Variants in SPOCK3 observed in about 807,000 individuals in gnomAD.
SPOCK3 encodes the protein SPARC (osteonectin), cwcv and kazal like domains proteoglycan 3.
A neutral mutation model predicts 56.6 loss-of-function variants in SPOCK3; 30 were observed. The observed-to-expected ratio is 0.53, with a 90% CI of 0.40 to 0.72. The LOEUF (loss-of-function observed/expected upper bound fraction) is 0.72, where lower values mean the gene tolerates loss of function less well. SPOCK3 is among the 30% of genes least tolerant of loss of function. The pLI, the probability that SPOCK3 is intolerant of heterozygous loss-of-function variation, is 0.00. For synonymous variants in SPOCK3, 196 were observed against 183.3 expected, an observed-to-expected ratio of 1.07 and a Z score of -0.56; for missense variants, 527 against 530.0, an observed-to-expected ratio of 0.99 and a Z score of 0.06.
At chr4:167,181,145 C>T (rs1731419707) in intron 2 of SPOCK3, among the ~76,000 whole-genome samples, 1 of 152,114 alleles carries the variant, frequency 6.6e-6, no homozygotes, top group South Asian at 2.1e-4. Flanking sequence ...TATATCCCTA[C>T]TGACCTTAAA....
At chr4:166,921,014 T>C (rs1035134344) in intron 4 of SPOCK3, among the ~76,000 whole-genome samples, 2 of 152,156 alleles carry the variant, frequency 1.3e-5, no homozygotes, top group African/African-American at 4.8e-5. Flanking sequence ...TCATTATCAT[T>C]GCCTTTCTCC....
At chr4:167,221,714 C>G (rs549453242) in intron 2 of SPOCK3, among the ~76,000 whole-genome samples, 2 of 152,102 alleles carry the variant, frequency 1.3e-5, no homozygotes, top group South Asian at 4.1e-4. Context: ...CTCAACATTT[C>G]TAATCATTAG....
chr4:166,754,742 A>G lies in SPOCK3; in HGVS notation c.710-13T>C. 6.2e-7 allele frequency: 1 copy of G among 1,612,498 alleles called. No homozygotes were observed. Among genetic ancestry groups the G allele is most frequent in the South Asian group, 1.1e-5 (1 of 90,966 alleles). Reference sequence around the variant, plus strand: ...CTGGTATCGAATCCTAAAGGCAAAAAAAAGAAAATGATTAGTTAAATATGA... The same window carrying G: ...CTGGTATCGAATCCTAAAGGCAAAAGAAAGAAAATGATTAGTTAAATATGA... On this transcript the variant is annotated splice_polypyrimidine_tract_variant and intron_variant, in intron 7 of 10. Transcript: ENST00000357545.
chr4:167,078,050 T>C (rs1325810702), intron 2 of SPOCK3, among the ~76,000 whole-genome samples: 4 of 151,890 alleles, frequency 2.6e-5, no homozygotes, highest in East Asian at 3.9e-4. Context: ...AGCAACATAA[T>C]GTAGCTACGT....
intron 2 of SPOCK3, among the ~76,000 whole-genome samples, chr4:167,114,733 C>T (rs1386986633): frequency 6.6e-6 from 1 of 151,978 alleles, no homozygotes; most frequent in Non-Finnish European, 1.5e-5. Context: ...GAACAAGAAA[C>T]AGACCAGGTC....
chr4:166,994,242 T>G (rs570994634), intron 4 of SPOCK3, among the ~76,000 whole-genome samples: 2 of 152,148 alleles, frequency 1.3e-5, no homozygotes, highest in Non-Finnish European at 2.9e-5. Flanking sequence ...CTATCATGGA[T>G]GAAGTAGTTC....
chr4:167,179,967 G>A (rs1314367904), intron 2 of SPOCK3, among the ~76,000 whole-genome samples: 1 of 152,152 alleles, frequency 6.6e-6, no homozygotes, highest in East Asian at 1.9e-4. Context: ...GGACAGAGGA[G>A]CAAGGTTAAT....
In SPOCK3 at chr4:167,121,226, T is replaced by C. The variant is rs188614683; in HGVS notation, c.190-58689A>G. 5.2e-3 allele frequency among the ~76,000 whole-genome samples: 797 copies of C among 151,874 alleles called. 1 individual carries two copies. Among genetic ancestry groups the C allele is most frequent in the South Asian group, 0.019 (93 of 4,822 alleles). ...TCAGAGCAGTTCCAGGATATTGACATTTAGCACACAGGACTTCTCCAGGTT... is the reference window on the plus strand; with the variant it reads ...TCAGAGCAGTTCCAGGATATTGACACTTAGCACACAGGACTTCTCCAGGTT... On this transcript the variant is annotated intron_variant, in intron 2 of 10. Coordinates refer to ENST00000357545, the MANE Select transcript of SPOCK3 (RefSeq NM_001040159.2).
At chr4:167,149,857 A>C (rs1162586108) in intron 2 of SPOCK3, among the ~76,000 whole-genome samples, 1 of 150,954 alleles carries the variant, frequency 6.6e-6, no homozygotes, top group Non-Finnish European at 1.5e-5. Flanking sequence ...ATATATATAT[A>C]CACACACATA....
At chr4:167,086,753 A>G (rs1758236531) in intron 2 of SPOCK3, among the ~76,000 whole-genome samples, 2 of 152,118 alleles carry the variant, frequency 1.3e-5, no homozygotes, top group South Asian at 4.1e-4. Context: ...TACTTTACTC[A>G]ACAGAGCCAA....
chr4:167,023,892 G>C (rs1045227897), intron 3 of SPOCK3, among the ~76,000 whole-genome samples: 10 of 152,020 alleles, frequency 6.6e-5, no homozygotes, highest in African/African-American at 2.4e-4. Context: ...CTGTAAGTCT[G>C]ACCTCTTTAA....
At chr4:167,069,969 AT>A (rs1756519637) in intron 2 of SPOCK3, among the ~76,000 whole-genome samples, 1 of 151,826 alleles carries the variant, frequency 6.6e-6, no homozygotes, top group Non-Finnish European at 1.5e-5. Context: ...CTCATCAGTT[AT>A]TCTGAATCCA....
intron 2 of SPOCK3, among the ~76,000 whole-genome samples, chr4:167,225,742 G>A (rs1406599602): frequency 6.6e-6 from 1 of 151,680 alleles, no homozygotes; most frequent in Non-Finnish European, 1.5e-5. Flanking sequence ...AGAAGTTCAG[G>A]CATTCTAATT....
chr4:166,873,049 A>G (rs975260032), intron 6 of SPOCK3, among the ~76,000 whole-genome samples: 1 of 152,146 alleles, frequency 6.6e-6, no homozygotes, highest in Non-Finnish European at 1.5e-5. Flanking sequence ...GGAGGGCATT[A>G]GTCTCCATGA....
At chr4:166,777,795 A>T (rs576239507) in intron 7 of SPOCK3, among the ~76,000 whole-genome samples, 1 of 152,172 alleles carries the variant, frequency 6.6e-6, no homozygotes, top group Non-Finnish European at 1.5e-5. Flanking sequence ...CCTGGGGTTA[A>T]ATCCTAGCTC....
At chr4:167,015,621 C>A (rs994970641) in intron 3 of SPOCK3, among the ~76,000 whole-genome samples, 1 of 152,098 alleles carries the variant, frequency 6.6e-6, no homozygotes. Flanking sequence ...TTCAGTTTGT[C>A]ATTTCCAATT....
chr4:166,754,814 T>C, intron 7 of SPOCK3, 85 bp from the exon 8 acceptor site: 17 of 1,236,748 alleles, frequency 1.4e-5, no homozygotes, highest in Non-Finnish European at 2.0e-5. Context: ...AGCAGGTAGC[T>C]AGTGTAGGAC....
At position 167,160,088 on chromosome 4, in the gene SPOCK3, A is replaced by T; in HGVS notation, c.189+73897T>A. 1.3e-5 allele frequency among the ~76,000 whole-genome samples: 2 copies of T among 152,136 alleles called. 1 individual carries two copies. Among genetic ancestry groups the T allele is most frequent in the Admixed American group, 1.3e-4 (2 of 15,262 alleles). On this transcript the variant is annotated intron_variant, in intron 2 of 10. Transcript: ENST00000357545. The stretch of plus-strand genomic sequence containing the variant: ...ATAAAGGGTATTCAATTAGGAAAAG[A>T]GGAAGTCAAATTGTCCCTGTTTGCA...
rs72494053 is a variant in SPOCK3 at position 166,801,409 on chromosome 4, C to A, written c.590-9120G>T. Among the ~76,000 whole-genome samples the A allele has an allele frequency of 1.7e-3, 263 of 152,098 alleles. 3 individuals are homozygous for A. In the East Asian group the frequency reaches 0.045, roughly 26 times the overall value. On this transcript the variant is annotated intron_variant, in intron 6 of 10. Coordinates refer to ENST00000357545, the MANE Select transcript of SPOCK3 (RefSeq NM_001040159.2). ...AACACATGACCGTATATGGTAGATACAAAAATTCCATTATATGAATATATC... is the reference window on the plus strand; with the variant it reads ...AACACATGACCGTATATGGTAGATAAAAAAATTCCATTATATGAATATATC...
Sources: allele counts gnomAD v4.1 joint callset (sites outside exome capture counted in the v4.1 genomes callset), GRCh38; gene constraint gnomAD v4.1.1; transcripts MANE v1.5; gene names NCBI Gene and HGNC (gene_info 2026-07-23, HGNC 2026-07-21).